PTPRT: variants seen among roughly 807,000 people sequenced by gnomAD.
PTPRT encodes protein tyrosine phosphatase receptor type T.
A neutral mutation model predicts 176.8 loss-of-function variants in PTPRT; 56 were observed. The observed-to-expected ratio is 0.32, with a 90% CI of 0.26 to 0.40. The LOEUF is 0.40. Ranked by LOEUF, PTPRT falls within the 10% of genes least tolerant of loss-of-function variation. The probability of loss-of-function intolerance (pLI) is 1.00; values close to 1 mark genes in which losing one functional copy is unlikely to be tolerated. For missense variants in PTPRT, 1,540 were observed against 1,908.2 expected (o/e 0.81, Z 3.60); for synonymous variants, 783 against 739.0 (o/e 1.06, Z -0.96).
At chr20:42,795,122 G>T (rs1015129421) in intron 2 of PTPRT, among the ~76,000 whole-genome samples, 1 of 151,868 alleles carries the variant, frequency 6.6e-6, no homozygotes, top group Non-Finnish European at 1.5e-5. Flanking sequence ...CGGTCATTAC[G>T]CCAAGATCAG....
chr20:42,776,713 T>A (rs919189775), intron 4 of PTPRT, among the ~76,000 whole-genome samples: 6 of 149,618 alleles, frequency 4.0e-5, no homozygotes, highest in Middle Eastern at 7.1e-3. Flanking sequence ...TATAATTATA[T>A]AAGCATATCA....
chr20:43,025,330 G>T (rs1277158413), intron 1 of PTPRT, among the ~76,000 whole-genome samples: 1 of 152,212 alleles, frequency 6.6e-6, no homozygotes, highest in Non-Finnish European at 1.5e-5. Context: ...AAATACAACA[G>T]TATCACAAAA....
rs6030261 is a variant in PTPRT at position 42,462,784 on chromosome 20, C to G, written c.1450+9482G>C. ...TCTATGATGTCTGATGTTGGCCACA[C>G]ACTACTTAGCAAAGCTCTTGGCAGA... On this transcript the variant is annotated intron_variant, in intron 8 of 30. Transcript: ENST00000373187. Among the ~76,000 whole-genome samples, 366 of 152,288 alleles carry G rather than the reference C, an allele frequency of 2.4e-3. 2 individuals carry two copies. Among genetic ancestry groups the G allele is most frequent in the African/African-American group, 8.0e-3 (332 of 41,556 alleles).
In PTPRT at chr20:42,504,200, G is replaced by A. The variant is rs542934565; in HGVS notation, c.1154-31638C>T. On this transcript the variant is annotated intron_variant, in intron 7 of 30. Coordinates refer to ENST00000373187, the MANE Select transcript of PTPRT (RefSeq NM_007050.6). ...TTTTAAATGTTTCTAATAATAAAAT[G>A]TTATTGGTAATCCTAATTATGTGTG... Among the ~76,000 whole-genome samples the A allele has an allele frequency of 2.0e-5, 3 of 152,148 alleles. No individual in the cohort carries two copies. In the East Asian group the frequency reaches 5.8e-4, roughly 29 times the overall value.
intron 16 of PTPRT, among the ~76,000 whole-genome samples, chr20:42,182,907 G>GTGTGTGT (rs1555797577): frequency 2.1e-5 from 3 of 144,606 alleles, no homozygotes; most frequent in Non-Finnish European, 4.5e-5. Flanking sequence ...TACAAGCAGG[G>GTGTGTGT]GTGTGTGTGT....
intron 2 of PTPRT, among the ~76,000 whole-genome samples, chr20:42,823,439 C>T (rs2077935842): frequency 6.6e-6 from 1 of 151,916 alleles, no homozygotes; most frequent in African/African-American, 2.4e-5. Flanking sequence ...ATAGGCACAG[C>T]AAACCACCAT....
chr20:42,768,104 C>T lies in PTPRT; in HGVS notation c.684+3331G>A, dbSNP rs559939904. 9.9e-4 allele frequency among the ~76,000 whole-genome samples: 150 copies of T among 151,968 alleles called. 1 individual carries two copies. The highest frequency in any genetic ancestry group is 8.5e-3 in the South Asian group (41 of 4,806). On this transcript the variant is annotated intron_variant, in intron 5 of 30. Transcript: ENST00000373187. ...ACATAAGCCTGGATTTAACTAGCCA[C>T]ACAGGCATTTGTCAGATGGCACGAT...
intron 19 of PTPRT, among the ~76,000 whole-genome samples, chr20:42,120,204 T>A (rs911410839): frequency 6.6e-6 from 1 of 152,208 alleles, no homozygotes; most frequent in East Asian, 1.9e-4. Context: ...TACATAGGCT[T>A]GCCTTGGAGC....
intron 1 of PTPRT, among the ~76,000 whole-genome samples, chr20:42,977,369 T>C (rs916376159): frequency 2.0e-5 from 3 of 152,246 alleles, no homozygotes; most frequent in African/African-American, 7.2e-5. Context: ...AAACTCAGAC[T>C]CTTCCACCCA....
intron 9 of PTPRT, among the ~76,000 whole-genome samples, chr20:42,414,413 A>G (rs1307657793): frequency 6.6e-6 from 1 of 152,240 alleles, no homozygotes; most frequent in Non-Finnish European, 1.5e-5. Context: ...GTGCCAAAGC[A>G]ATTAAACAAG....
intron 5 of PTPRT, among the ~76,000 whole-genome samples, chr20:42,759,773 A>T (rs990429999): frequency 6.6e-6 from 1 of 152,104 alleles, no homozygotes; most frequent in Non-Finnish European, 1.5e-5. Flanking sequence ...CTGTGGCAAG[A>T]TTTTCAAGTC....
intron 7 of PTPRT, among the ~76,000 whole-genome samples, chr20:42,554,103 TGGG>T (rs2072817909): frequency 3.3e-5 from 5 of 152,212 alleles, no homozygotes; most frequent in African/African-American, 1.2e-4. Context: ...AAAACGTTCT[TGGG>T]AGAAGAGAAA....
chr20:42,035,375 A>G, the PTPRT span, among the ~76,000 whole-genome samples: 1 of 152,330 alleles, frequency 6.6e-6, no homozygotes, highest in South Asian at 2.1e-4. Flanking sequence ...TAGGCTGTTT[A>G]CAAAATATAA....
At chr20:42,639,362 C>T (rs934145656) in intron 7 of PTPRT, among the ~76,000 whole-genome samples, 4 of 152,088 alleles carry the variant, frequency 2.6e-5, no homozygotes, top group Non-Finnish European at 4.4e-5. Flanking sequence ...CTGTTTTCCT[C>T]GTGGTAAAGT....
chr20:42,583,219 T>A (rs2073409313), intron 7 of PTPRT, among the ~76,000 whole-genome samples: 1 of 152,226 alleles, frequency 6.6e-6, no homozygotes, highest in Non-Finnish European at 1.5e-5. Context: ...GACTCTGTAG[T>A]CCTAAATAGA....
At chr20:42,197,370 C>T (rs1991267191) in intron 16 of PTPRT, among the ~76,000 whole-genome samples, 1 of 88,650 alleles carries the variant, frequency 1.1e-5, no homozygotes, top group African/African-American at 5.1e-5. Context: ...TAGAGTGAGA[C>T]TCCATCAAAA....
At chr20:42,846,356 T>C (rs1483494591) in intron 2 of PTPRT, among the ~76,000 whole-genome samples, 1 of 150,068 alleles carries the variant, frequency 6.7e-6, no homozygotes, top group Admixed American at 6.7e-5. Context: ...CTCAGCAAAA[T>C]GCATCACAGA....
intron 17 of PTPRT, among the ~76,000 whole-genome samples, chr20:42,152,605 T>C (rs1475363121): frequency 1.3e-5 from 2 of 152,242 alleles, no homozygotes; most frequent in Non-Finnish European, 2.9e-5. Flanking sequence ...TATAGCTTAA[T>C]GGGAAATCTC....
At chr20:42,707,141 G>C (rs1315757310) in intron 6 of PTPRT, among the ~76,000 whole-genome samples, 1 of 152,170 alleles carries the variant, frequency 6.6e-6, no homozygotes, top group Admixed American at 6.5e-5. Flanking sequence ...CTCCAGAACT[G>C]TGAGTGAATA....
Sources: gnomAD v4.1 joint callset for allele counts (sites outside exome capture counted in the v4.1 genomes callset) on GRCh38, gnomAD v4.1.1 for gene constraint, MANE v1.5 for transcripts, NCBI Gene and HGNC (gene_info 2026-07-23, HGNC 2026-07-21) for gene names.